Variants in NAAA observed in about 807,000 individuals in gnomAD.
NAAA encodes N-acylethanolamine-hydrolyzing acid amidase.
A neutral mutation model predicts 44.8 loss-of-function variants in NAAA; 39 were observed. The ratio of observed to expected loss-of-function variants is 0.87; its 90% CI spans 0.67 to 1.14. The LOEUF (loss-of-function observed/expected upper bound fraction) is 1.14, where lower values mean the gene tolerates loss of function less well. Among genes scored for constraint, NAAA ranks in the 50% most tolerant of loss-of-function variants. NAAA has a pLI of 0.00. For synonymous variants in NAAA, 178 were observed against 191.3 expected, an observed-to-expected ratio of 0.93 and a Z score of 0.58; for missense variants, 460 against 467.8, an observed-to-expected ratio of 0.98 and a Z score of 0.15.
At chr4:75,921,211 C>A in intron 5 of NAAA, 88 bp from the exon 6 acceptor site, 2 of 1,223,916 alleles carry the variant, frequency 1.6e-6, no homozygotes, top group Non-Finnish European at 1.1e-6. Flanking sequence ...AGCACATTCT[C>A]CTGATATGTT....
At chr4:75,926,064 C>T (rs1726656196) in intron 4 of NAAA, among the ~76,000 whole-genome samples, 1 of 136,340 alleles carries the variant, frequency 7.3e-6, no homozygotes, top group Non-Finnish European at 1.6e-5. Flanking sequence ...GAACTTGAGT[C>T]TTCCACACCT....
chr4:75,934,888 G>A (rs986842802), intron 3 of NAAA: 4 of 152,164 alleles, frequency 2.6e-5, no homozygotes, highest in Admixed American at 1.3e-4. Context: ...CTATTAGAGT[G>A]AGTTTCAGAG....
downstream of NAAA, among the ~76,000 whole-genome samples, chr4:75,911,023 G>A (rs112170362): frequency 0.077 from 11,643 of 152,162 alleles, 1,020 homozygotes; most frequent in African/African-American, 0.21. Flanking sequence ...TCTCAAGGGC[G>A]GAGAGGATAT....
At chr4:75,927,512 A>G (rs1421771402) in intron 4 of NAAA, among the ~76,000 whole-genome samples, 1 of 151,822 alleles carries the variant, frequency 6.6e-6, no homozygotes, top group African/African-American at 2.4e-5. Flanking sequence ...CTGTAATCCC[A>G]GCACTTTGGG....
In NAAA at chr4:75,940,724, C is replaced by T; in HGVS notation, c.206+20G>A. On this transcript the variant is annotated intron_variant, in intron 1 of 10. Transcript: ENST00000286733. ...GCAGGGCCGGTGTCCCCGCAGACCCCGTCCAGGGCCCCAGCTCACCCGATG... is the reference window on the plus strand; with the variant it reads ...GCAGGGCCGGTGTCCCCGCAGACCCTGTCCAGGGCCCCAGCTCACCCGATG... 6.3e-7 allele frequency: 1 copy of T among 1,587,730 alleles called. No individual in the cohort carries two copies. The highest frequency in any genetic ancestry group is 8.5e-7 in the Non-Finnish European group (1 of 1,174,248).
chr4:75,924,970 C>G (rs1726523500), intron 5 of NAAA, among the ~76,000 whole-genome samples: 1 of 151,804 alleles, frequency 6.6e-6, no homozygotes, highest in Non-Finnish European at 1.5e-5. Context: ...CTCCCTGTCT[C>G]TGTAGGAGGG....
chr4:75,924,175 T>C (rs1329237369), intron 5 of NAAA, among the ~76,000 whole-genome samples: 1 of 152,226 alleles, frequency 6.6e-6, no homozygotes, highest in Non-Finnish European at 1.5e-5. Flanking sequence ...TCTGTGGCCC[T>C]GAGACAACAA....
At chr4:75,940,479 G>A (rs1236430501) in intron 1 of NAAA, among the ~76,000 whole-genome samples, 1 of 152,254 alleles carries the variant, frequency 6.6e-6, no homozygotes, top group Non-Finnish European at 1.5e-5. Flanking sequence ...TGGTAGCTAT[G>A]CAGCCCGGGC....
chr4:75,931,073 C>T, intron 4 of NAAA, 141 bp downstream of exon 4: 1 of 609,620 alleles, frequency 1.6e-6, no homozygotes, highest in Non-Finnish European at 2.9e-6. Context: ...TCCATGCATA[C>T]TGTCCACTTT....
chr4:75,918,826 A>C (rs9999363), intron 8 of NAAA, 37 bp from the exon 9 acceptor site: 1 of 1,577,604 alleles, frequency 6.3e-7, no homozygotes, highest in Non-Finnish European at 8.7e-7. Context: ...AGAAGATTAC[A>C]TGGTAGAAGA....
intron 9 of NAAA, 25 bp from the exon 10 acceptor site, chr4:75,915,010 G>A: frequency 6.6e-7 from 1 of 1,508,974 alleles, no homozygotes; most frequent in Non-Finnish European, 9.2e-7. Flanking sequence ...GAAATTTTAT[G>A]TACACATCAT....
intron 3 of NAAA, 127 bp downstream of exon 3, chr4:75,935,982 T>C: frequency 8.9e-7 from 1 of 1,119,132 alleles, no homozygotes; most frequent in East Asian, 2.5e-5. Context: ...GGCTTTGTTT[T>C]TCCAGGGGTG....
Position 75,919,899 on chromosome 4 carries a change from C to T in NAAA, c.969+10G>A, listed in dbSNP as rs775193864. ...ATCCTAGGTATGCAGGACACTGTGA[C>T]ACAAGTTACCTGGAAAAGTGCCTCC... is the stretch of plus-strand genomic sequence containing the variant. On this transcript the variant is annotated intron_variant, in intron 8 of 10. Coordinates refer to ENST00000286733, the MANE Select transcript of NAAA (RefSeq NM_014435.4). 55 of 1,609,644 alleles carry T rather than the reference C, an allele frequency of 3.4e-5. No homozygotes were observed. Among genetic ancestry groups the T allele is most frequent in the Middle Eastern group, 1.6e-4 (1 of 6,082 alleles).
intron 2 of NAAA, 74 bp from the exon 3 acceptor site, chr4:75,936,309 G>A: frequency 6.6e-7 from 1 of 1,525,186 alleles, no homozygotes; most frequent in Non-Finnish European, 8.9e-7. Context: ...TTTTTCATTT[G>A]TAAAACAAAT....
intron 4 of NAAA, among the ~76,000 whole-genome samples, chr4:75,926,822 T>C (rs1726744887): frequency 6.6e-6 from 1 of 151,004 alleles, no homozygotes; most frequent in Non-Finnish European, 1.5e-5. Flanking sequence ...CTGGGGAAAA[T>C]AGTGAAACCC....
chr4:75,915,013 C>T, intron 9 of NAAA, 28 bp from the exon 10 acceptor site: 1 of 1,503,308 alleles, frequency 6.7e-7, no homozygotes, highest in East Asian at 2.3e-5. Flanking sequence ...ATTTTATGTA[C>T]ACATCATTTT....
downstream of NAAA, among the ~76,000 whole-genome samples, chr4:75,912,580 G>C (rs1262450421): frequency 6.7e-6 from 1 of 150,020 alleles, no homozygotes. Context: ...AAGAAATTTA[G>C]CCTGGCCAAC....
intron 3 of NAAA, among the ~76,000 whole-genome samples, chr4:75,933,587 C>A (rs895278382): frequency 1.1e-4 from 16 of 152,216 alleles, no homozygotes; most frequent in South Asian, 2.1e-4. Context: ...TCGTAGTTTT[C>A]AATTACGATA....
chr4:75,937,843 G>A (rs547298598), intron 2 of NAAA, among the ~76,000 whole-genome samples: 2 of 152,308 alleles, frequency 1.3e-5, no homozygotes, highest in Admixed American at 6.5e-5. Context: ...GAGGGGACTG[G>A]TAAGACATGG....
Sources: gnomAD v4.1 joint callset for allele counts (sites outside exome capture counted in the v4.1 genomes callset) on GRCh38, gnomAD v4.1.1 for gene constraint, MANE v1.5 for transcripts, NCBI Gene and HGNC (gene_info 2026-07-23, HGNC 2026-07-21) for gene names.